The following PTAFR variants were observed in gnomAD, a reference collection of about 807,000 sequenced individuals.
PTAFR encodes the protein platelet-activating factor receptor.
A neutral mutation model predicts 14.7 loss-of-function variants in PTAFR; 8 were observed. That is an observed-to-expected ratio of 0.54 (90% CI 0.32 to 0.98). PTAFR has a LOEUF of 0.98. Ranked by LOEUF, PTAFR falls within the 50% of genes least tolerant of loss-of-function variation. The pLI, the probability that PTAFR is intolerant of heterozygous loss-of-function variation, is 0.04. For synonymous variants in PTAFR, 156 were observed against 176.5 expected (o/e 0.88, Z 0.92); for missense variants, 337 against 451.2 (o/e 0.75, Z 2.29).
At chr1:28,173,526 C>T (rs1296046986) in intron 1 of PTAFR, among the ~76,000 whole-genome samples, 1 of 151,812 alleles carries the variant, frequency 6.6e-6, no homozygotes, top group Non-Finnish European at 1.5e-5. Flanking sequence ...TGGTGTGCAC[C>T]TACAGTATCA....
At chr1:28,161,595 A>C (rs1307490197) in intron 1 of PTAFR, among the ~76,000 whole-genome samples, 1 of 151,974 alleles carries the variant, frequency 6.6e-6, no homozygotes, top group Non-Finnish European at 1.5e-5. Flanking sequence ...GATCTGCCTG[A>C]TTTAGTCTCC....
intron 1 of PTAFR, among the ~76,000 whole-genome samples, chr1:28,156,754 A>T (rs940125844): frequency 1.3e-5 from 2 of 152,202 alleles, no homozygotes; most frequent in African/African-American, 4.8e-5. Context: ...CCTTCCTTGG[A>T]TCCCAAGATG....
intron 1 of PTAFR, among the ~76,000 whole-genome samples, chr1:28,156,274 A>G (rs1248360537): frequency 6.6e-6 from 1 of 152,076 alleles, no homozygotes; most frequent in Non-Finnish European, 1.5e-5. Flanking sequence ...AAAAAAAAAA[A>G]GAAAATATCA....
At chr1:28,190,619 G>A (rs909784539) in intron 1 of PTAFR, among the ~76,000 whole-genome samples, 3 of 152,076 alleles carry the variant, frequency 2.0e-5, no homozygotes, top group African/African-American at 7.2e-5. Flanking sequence ...AAGAAGGGGT[G>A]GTATAGACAA....
At chr1:28,180,866 G>A (rs541216260), upstream of PTAFR, among the ~76,000 whole-genome samples, 2 of 152,040 alleles carry the variant, frequency 1.3e-5, no homozygotes, top group Non-Finnish European at 2.9e-5. Context: ...AATAAAGAAG[G>A]ATGGATACAG....
At chr1:28,160,371 G>A (rs979803193) in intron 1 of PTAFR, among the ~76,000 whole-genome samples, 31 of 151,242 alleles carry the variant, frequency 2.0e-4, no homozygotes, top group Admixed American at 2.0e-3. Flanking sequence ...CTCCAACCTG[G>A]GCAACACAGC....
intron 1 of PTAFR, among the ~76,000 whole-genome samples, chr1:28,156,940 C>T (rs1193129589): frequency 2.6e-5 from 4 of 152,100 alleles, no homozygotes. Flanking sequence ...GCAGTCAGGT[C>T]CGCACCTCCC....
rs1184687865 is a variant in PTAFR at position 28,183,641 on chromosome 1, G to C, written c.-39+10081C>G. ...GATATCTTCTCTTCAAAATATGTGTGTGTGTAATAGGTAGGAATTTTACTG... is the reference window on the plus strand; with the variant it reads ...GATATCTTCTCTTCAAAATATGTGTCTGTGTAATAGGTAGGAATTTTACTG... On this transcript the variant is annotated intron_variant, in intron 1 of 1. Coordinates refer to the PTAFR transcript ENST00000305392. Among the ~76,000 whole-genome samples the C allele has an allele frequency of 4.6e-5, 7 of 151,904 alleles. No individual in the cohort carries two copies. In the South Asian group the frequency reaches 1.0e-3, roughly 23 times the overall value.
chr1:28,192,893 T>C (rs61787028), intron 1 of PTAFR, among the ~76,000 whole-genome samples: 63,178 of 151,930 alleles, frequency 0.42, 14,626 homozygotes, highest in African/African-American at 0.62. Flanking sequence ...GTGATCCACC[T>C]GTGTTTTTAT....
intron 1 of PTAFR, among the ~76,000 whole-genome samples, chr1:28,187,877 G>T (rs1251701951): frequency 6.6e-6 from 1 of 152,138 alleles, no homozygotes; most frequent in Non-Finnish European, 1.5e-5. Context: ...TACATTAAAA[G>T]ACACTGTAAA....
intron 1 of PTAFR, among the ~76,000 whole-genome samples, chr1:28,175,506 G>A (rs1646503265): frequency 6.6e-6 from 1 of 151,798 alleles, no homozygotes; most frequent in Non-Finnish European, 1.5e-5. Context: ...TATTCAGTCA[G>A]AGCTAAAGGA....
chr1:28,162,345 T>C (rs1442439863), intron 1 of PTAFR, among the ~76,000 whole-genome samples: 1 of 152,052 alleles, frequency 6.6e-6, no homozygotes, highest in African/African-American at 2.4e-5. Flanking sequence ...ATTTGTCAGG[T>C]GAACAAACAC....
chr1:28,167,088 C>G (rs933179413), intron 1 of PTAFR, among the ~76,000 whole-genome samples: 1 of 152,090 alleles, frequency 6.6e-6, no homozygotes, highest in African/African-American at 2.4e-5. Context: ...GCACAGGCAA[C>G]GAAAGCACAA....
At chr1:28,157,754 G>A (rs577362450) in intron 1 of PTAFR, among the ~76,000 whole-genome samples, 21 of 149,982 alleles carry the variant, frequency 1.4e-4, no homozygotes, top group African/African-American at 3.7e-4. Context: ...TCAGCCTCCC[G>A]AGTGGCTGGG....
At chr1:28,161,179 G>T (rs780381110) in intron 1 of PTAFR, among the ~76,000 whole-genome samples, 4 of 152,144 alleles carry the variant, frequency 2.6e-5, no homozygotes, top group Non-Finnish European at 5.9e-5. Flanking sequence ...TCCACCCGCG[G>T]TCTGGTTAAG....
chr1:28,148,361 G>C lies in PTAFR; in HGVS notation c.*1632C>G, dbSNP rs1646138917. On this transcript the variant is annotated 3_prime_UTR_variant, in exon 2 of 2. Coordinates refer to ENST00000373857, the MANE Select transcript of PTAFR (RefSeq NM_000952.5). ...GACCCTCCCAGAGGGCAAGGGAGGA[G>C]AGAACTGACAGACCCTTCTACCCAG... 1 of 152,258 alleles carries C rather than the reference G, an allele frequency of 6.6e-6. No individual in the cohort carries two copies. Among genetic ancestry groups the C allele is most frequent in the South Asian group, 2.1e-4 (1 of 4,830 alleles). The allele number at this position is 152,258 out of a possible 1,614,324, so 9.4% of individuals were successfully genotyped here.
At chr1:28,165,453 C>T (rs1266713589) in intron 1 of PTAFR, among the ~76,000 whole-genome samples, 1 of 131,910 alleles carries the variant, frequency 7.6e-6, no homozygotes, top group Non-Finnish European at 1.7e-5. Flanking sequence ...ACAAACTTAA[C>T]CAAGGAGGCA....
intron 1 of PTAFR, among the ~76,000 whole-genome samples, chr1:28,173,907 G>A (rs1646481399): frequency 1.3e-5 from 2 of 152,140 alleles, no homozygotes; most frequent in Admixed American, 6.5e-5. Context: ...GACACACAGA[G>A]GCATATCAGC....
At position 28,147,614 on chromosome 1, in the gene PTAFR, A is replaced by G. The variant is rs1357897598; in HGVS notation, c.*2379T>C. 1 of 152,162 alleles carries G rather than the reference A, an allele frequency of 6.6e-6. No homozygotes were observed. Among genetic ancestry groups the G allele is most frequent in the Non-Finnish European group, 1.5e-5 (1 of 68,056 alleles). The allele number at this position is 152,162 out of a possible 1,614,324, so 9.4% of individuals were successfully genotyped here. A position where few individuals can be genotyped will look rare whatever the true frequency, so the allele number is the denominator to read the frequency against. On this transcript the variant is annotated 3_prime_UTR_variant, in exon 2 of 2. Transcript: ENST00000373857. The stretch of plus-strand genomic sequence containing the variant: ...CACACATGGACACAGTCACAGCTCC[A>G]GGGTTTCTATGTGTTCAGGTAAGGG...
Sources: gnomAD v4.1 joint callset for allele counts (sites outside exome capture counted in the v4.1 genomes callset) on GRCh38, gnomAD v4.1.1 for gene constraint, MANE v1.5 for transcripts, NCBI Gene and HGNC (gene_info 2026-07-23, HGNC 2026-07-21) for gene names.